Variants in KAT6B observed in about 807,000 individuals in gnomAD.
KAT6B encodes the protein histone acetyltransferase KAT6B.
In KAT6B, 10 loss-of-function variants were observed where a neutral mutation model predicts 187.5. That is an observed-to-expected ratio of 0.05 (90% CI 0.03 to 0.09). The LOEUF (loss-of-function observed/expected upper bound fraction) is 0.09, where lower values mean the gene tolerates loss of function less well. KAT6B is among the 10% of genes least tolerant of loss of function. The probability of loss-of-function intolerance (pLI) is 1.00; values close to 1 mark genes in which losing one functional copy is unlikely to be tolerated. For missense variants in KAT6B, 1,952 were observed against 2,558.9 expected (o/e 0.76, Z 5.12); for synonymous variants, 861 against 926.8 (o/e 0.93, Z 1.29).
At chr10:74,972,886 G>C (rs774277976) in intron 7 of KAT6B, among the ~76,000 whole-genome samples, 2 of 152,158 alleles carry the variant, frequency 1.3e-5, no homozygotes, top group Admixed American at 1.3e-4. Flanking sequence ...CAAGCAGCAG[G>C]ATGGAAGCAG....
chr10:74,933,071 A>G (rs772129081), intron 3 of KAT6B, among the ~76,000 whole-genome samples: 2 of 152,210 alleles, frequency 1.3e-5, no homozygotes, highest in African/African-American at 2.4e-5. Context: ...CACTTGGCCT[A>G]ATCATCCACC....
chr10:74,910,171 G>A (rs1259569143), intron 3 of KAT6B, among the ~76,000 whole-genome samples: 2 of 151,342 alleles, frequency 1.3e-5, no homozygotes, highest in Non-Finnish European at 2.9e-5. Flanking sequence ...GGTGGCGCAT[G>A]CCTGTAATCC....
At position 74,947,038 on chromosome 10, in the gene KAT6B, C is replaced by T. The variant is rs191106161; in HGVS notation, c.622-12932C>T. 4.7e-3 allele frequency among the ~76,000 whole-genome samples: 708 copies of T among 152,146 alleles called. 19 individuals are homozygous for T. The South Asian group carries it at 0.076, about 16-fold the overall frequency. On this transcript the variant is annotated intron_variant, in intron 3 of 17. Transcript: ENST00000287239. ...TTTTTTGAGACGAGTCTTACTGTGTCGCCCAGGCTGGAGTTCAGTGGCACG... is the reference window on the plus strand; with the variant it reads ...TTTTTTGAGACGAGTCTTACTGTGTTGCCCAGGCTGGAGTTCAGTGGCACG...
At chr10:74,955,425 G>C (rs1040910554) in intron 3 of KAT6B, among the ~76,000 whole-genome samples, 22 of 136,376 alleles carry the variant, frequency 1.6e-4, no homozygotes, top group Middle Eastern at 7.8e-3. Flanking sequence ...TTGTAAAGAT[G>C]AGGAAAAATT....
At chr10:74,915,641 G>T (rs1847618120) in intron 3 of KAT6B, among the ~76,000 whole-genome samples, 1 of 152,198 alleles carries the variant, frequency 6.6e-6, no homozygotes, top group African/African-American at 2.4e-5. Context: ...ATGTTAAATT[G>T]CAGTTAATAT....
intron 3 of KAT6B, among the ~76,000 whole-genome samples, chr10:74,927,275 T>A (rs941777232): frequency 1.3e-5 from 2 of 152,062 alleles, no homozygotes; most frequent in Admixed American, 6.6e-5. Context: ...AGGAGTCATA[T>A]CTTTTGACTG....
At chr10:74,826,229 A>C (rs1256636424), upstream of KAT6B, among the ~76,000 whole-genome samples, 1 of 150,408 alleles carries the variant, frequency 6.6e-6, no homozygotes, top group Admixed American at 6.6e-5. Flanking sequence ...AGTAGACCCA[A>C]TCCTTTCCTA....
chr10:74,946,272 A>C (rs1427524608), intron 3 of KAT6B, among the ~76,000 whole-genome samples: 2 of 152,116 alleles, frequency 1.3e-5, no homozygotes, highest in Non-Finnish European at 2.9e-5. Context: ...GTCTGTAGTT[A>C]TATCTCTACT....
intron 12 of KAT6B, among the ~76,000 whole-genome samples, chr10:74,988,481 G>C (rs920290069): frequency 2.6e-5 from 4 of 152,102 alleles, no homozygotes; most frequent in Admixed American, 6.5e-5. Flanking sequence ...TATTTCTCTA[G>C]CTTTTTACAT....
chr10:75,009,682 G>T (rs1019417211), intron 13 of KAT6B, among the ~76,000 whole-genome samples: 21 of 152,302 alleles, frequency 1.4e-4, no homozygotes, highest in African/African-American at 4.8e-4. Context: ...ACTGTAGCCA[G>T]TTTGGACTTT....
At chr10:74,841,066 G>A (rs1841711322) in intron 2 of KAT6B, among the ~76,000 whole-genome samples, 1 of 152,162 alleles carries the variant, frequency 6.6e-6, no homozygotes, top group South Asian at 2.1e-4. Context: ...TTGAATATTA[G>A]ATAATGTGTT....
chr10:75,026,641 A>T (rs1399741856), intron 17 of KAT6B, among the ~76,000 whole-genome samples: 10 of 150,982 alleles, frequency 6.6e-5, no homozygotes, highest in East Asian at 1.9e-4. Flanking sequence ...TTTTTTTTTT[A>T]AACAAATAAC....
intron 3 of KAT6B, among the ~76,000 whole-genome samples, chr10:74,871,735 T>C (rs1843992254): frequency 6.6e-6 from 1 of 151,912 alleles, no homozygotes; most frequent in African/African-American, 2.4e-5. Context: ...CCAAGATGAG[T>C]AAGAACAATA....
chr10:74,854,870 C>T (rs1362498080), intron 3 of KAT6B, among the ~76,000 whole-genome samples: 1 of 152,172 alleles, frequency 6.6e-6, no homozygotes, highest in East Asian at 1.9e-4. Context: ...GTCTGTAGCT[C>T]GACAGGCGTT....
intron 3 of KAT6B, among the ~76,000 whole-genome samples, chr10:74,869,339 C>A (rs1843755716): frequency 6.6e-6 from 1 of 151,820 alleles, no homozygotes; most frequent in African/African-American, 2.4e-5. Context: ...TGTTGCCCAC[C>A]CAGACTGGAG....
chr10:74,970,246 G>T, intron 6 of KAT6B, 145 bp downstream of exon 6: 1 of 655,820 alleles, frequency 1.5e-6, no homozygotes, highest in Non-Finnish European at 2.8e-6. Context: ...TTTAGCACAG[G>T]TTGTGAATAG....
chr10:74,869,722 TTGTC>T (rs2132386671), intron 3 of KAT6B, among the ~76,000 whole-genome samples: 1 of 152,370 alleles, frequency 6.6e-6, no homozygotes, highest in East Asian at 1.9e-4. Context: ...ATGTATTTAT[TTGTC>T]TGGCTATTTT....
chr10:74,876,867 C>T (rs931947439), intron 3 of KAT6B, among the ~76,000 whole-genome samples: 9 of 151,798 alleles, frequency 5.9e-5, no homozygotes, highest in Middle Eastern at 3.4e-3. Flanking sequence ...GAGCTCAGAT[C>T]GCACCATTGC....
chr10:74,940,704 A>G (rs967699672), intron 3 of KAT6B, among the ~76,000 whole-genome samples: 5 of 151,234 alleles, frequency 3.3e-5, no homozygotes, highest in Non-Finnish European at 7.4e-5. Context: ...ACCTCAGTCT[A>G]TCCATAGCTA....
Sources: gnomAD v4.1 joint callset for allele counts (sites outside exome capture counted in the v4.1 genomes callset) on GRCh38, gnomAD v4.1.1 for gene constraint, MANE v1.5 for transcripts, NCBI Gene and HGNC (gene_info 2026-07-23, HGNC 2026-07-21) for gene names.